Variants in PLXNA2 observed in about 807,000 individuals in gnomAD.
The protein encoded by PLXNA2 is plexin A2, also known as plexin-A2.
In PLXNA2, 91 loss-of-function variants were observed where a neutral mutation model predicts 193.5. The observed-to-expected ratio is 0.47, with a 90% CI of 0.40 to 0.56. PLXNA2 has a LOEUF of 0.56. Among genes scored for constraint, PLXNA2 ranks in the 20% least tolerant of loss-of-function variants. PLXNA2 has a pLI of 0.00. For synonymous variants in PLXNA2, 997 were observed against 1,027.3 expected, an observed-to-expected ratio of 0.97 and a Z score of 0.56; for missense variants, 1,995 against 2,503.2, an observed-to-expected ratio of 0.80 and a Z score of 4.33.
rs1354196914 is a variant in PLXNA2, at chr1:208,033,404, T to C, written c.4970A>G (p.Asn1657Ser). 1.2e-6 allele frequency: 2 copies of C among 1,614,056 alleles called. No homozygotes were observed. The highest frequency in any genetic ancestry group is 1.7e-6 in the Non-Finnish European group (2 of 1,180,016). The change falls in exon 28 of 32, where the codon AAC becomes AGC. Residue 1657 changes from asparagine to serine, a missense_variant. Coordinates refer to ENST00000367033, the MANE Select transcript of PLXNA2 (RefSeq NM_025179.4). ...CTCCTTCTGGTCACCGTGGTCATGG[T>C]TCTTCACCAGATGCCACACCTTGAC... ...SGVKVWHLVKNHDHGDQKEGD... is the reference protein window; with the variant it reads ...SGVKVWHLVKSHDHGDQKEGD...
At position 208,082,064 on chromosome 1, in the gene PLXNA2, G is replaced by C. The variant is rs1044534275; in HGVS notation, c.2395+348C>G. 6.6e-6 allele frequency among the ~76,000 whole-genome samples: 1 copy of C among 152,218 alleles called. No individual in the cohort carries two copies. The highest frequency in any genetic ancestry group is 2.4e-5 in the African/African-American group (1 of 41,456). On this transcript the variant is annotated intron_variant, in intron 11 of 31. Coordinates refer to ENST00000367033, the MANE Select transcript of PLXNA2 (RefSeq NM_025179.4). The surrounding 1 kb of genome is among the most constrained non-coding windows in gnomAD (Gnocchi z 4.2). ...ACCAGGGCCAAGGACAGGGGAACAA[G>C]AGCCTGACTGGAAACAATATCTCCA...
chr1:208,059,307 G>A (rs1665540628), intron 13 of PLXNA2, among the ~76,000 whole-genome samples: 1 of 152,126 alleles, frequency 6.6e-6, no homozygotes, highest in Admixed American at 6.5e-5. Context: ...TGTCCTATAG[G>A]CCCAGCCAGC....
chr1:208,211,337 C>G (rs115195287), intron 2 of PLXNA2, among the ~76,000 whole-genome samples: 182 of 152,194 alleles, frequency 1.2e-3, no homozygotes, highest in African/African-American at 4.1e-3. Flanking sequence ...TGGTGTGGCT[C>G]CATAATGTAT....
chr1:208,060,278 C>CTTAA (rs1665572454), intron 13 of PLXNA2, among the ~76,000 whole-genome samples: 1 of 152,226 alleles, frequency 6.6e-6, no homozygotes, highest in Non-Finnish European at 1.5e-5. Context: ...CCAGCGGAGG[C>CTTAA]CCTGCTCGGA....
intron 24 of PLXNA2, 138 bp from the exon 25 acceptor site, chr1:208,039,122 A>C (rs1267745205): frequency 1.4e-6 from 1 of 708,142 alleles, no homozygotes; most frequent in Non-Finnish European, 2.3e-6. Flanking sequence ...CTGGTCTGTG[A>C]CTCAGTTTCC....
At chr1:208,060,957 G>A (rs1665601515) in intron 12 of PLXNA2, 120 bp from the exon 13 acceptor site, 1 of 812,380 alleles carries the variant, frequency 1.2e-6, no homozygotes, top group Non-Finnish European at 1.9e-6. Flanking sequence ...TCCTCCACCA[G>A]GAATTCTGGT....
intron 3 of PLXNA2, among the ~76,000 whole-genome samples, chr1:208,157,914 G>C (rs562722554): frequency 2.0e-5 from 3 of 152,368 alleles, no homozygotes; most frequent in African/African-American, 7.2e-5. Flanking sequence ...CCCATCTTCA[G>C]GCCACAGAGG....
chr1:208,063,452 G>T (rs1385895325), intron 12 of PLXNA2, among the ~76,000 whole-genome samples: 2 of 152,186 alleles, frequency 1.3e-5, no homozygotes, highest in Non-Finnish European at 2.9e-5. Flanking sequence ...TAGAGAAGAA[G>T]ACTTTTTTTG....
At chr1:208,058,098 G>A (rs948649978) in intron 13 of PLXNA2, among the ~76,000 whole-genome samples, 2 of 152,190 alleles carry the variant, frequency 1.3e-5, no homozygotes, top group Non-Finnish European at 2.9e-5. Context: ...CATAGATGGT[G>A]CCTCGCTCCC....
At chr1:208,194,385 G>C (rs548217229) in intron 3 of PLXNA2, among the ~76,000 whole-genome samples, 2 of 149,792 alleles carry the variant, frequency 1.3e-5, no homozygotes, top group East Asian at 4.0e-4. Flanking sequence ...TGCTTAGGCT[G>C]CTGGTGCCTG....
intron 3 of PLXNA2, among the ~76,000 whole-genome samples, chr1:208,194,039 C>G (rs187424247): frequency 6.6e-6 from 1 of 151,820 alleles, no homozygotes; most frequent in Non-Finnish European, 1.5e-5. Context: ...TAGCTTAGGG[C>G]GCATAGCTCT....
intron 4 of PLXNA2, among the ~76,000 whole-genome samples, chr1:208,103,527 C>T (rs180998087): frequency 1.1e-3 from 161 of 152,290 alleles, no homozygotes; most frequent in Admixed American, 3.2e-3. Flanking sequence ...AGCATCCTCC[C>T]GAGAGCTGGG....
intron 3 of PLXNA2, among the ~76,000 whole-genome samples, chr1:208,172,026 T>TAAAA (rs112716826): frequency 7.4e-6 from 1 of 135,196 alleles, no homozygotes; most frequent in Non-Finnish European, 1.6e-5. Flanking sequence ...GGTTTTGCCA[T>TAAAA]AAAAAAAAAA....
chr1:208,049,674 A>C (rs537221480), intron 17 of PLXNA2, among the ~76,000 whole-genome samples: 9 of 152,212 alleles, frequency 5.9e-5, no homozygotes, highest in Non-Finnish European at 1.3e-4. Flanking sequence ...GATTGGGGGC[A>C]AGTCATTTAA....
chr1:208,092,375 G>T (rs535356461), intron 9 of PLXNA2, among the ~76,000 whole-genome samples: 1 of 152,338 alleles, frequency 6.6e-6, no homozygotes, highest in East Asian at 1.9e-4. Context: ...AAGTTGGCAT[G>T]AAAGAATGGT....
rs1666721260 is a variant in PLXNA2 at position 208,091,827 on chromosome 1, G to A, written c.2097+959C>T. On this transcript the variant is annotated intron_variant, in intron 9 of 31. Coordinates refer to ENST00000367033, the MANE Select transcript of PLXNA2 (RefSeq NM_025179.4). ...AGAGGTTGCAGTGAGCGGAGATCACGCCATTGCACTCCAGCCTGGCGATAG... is the reference window on the plus strand; with the variant it reads ...AGAGGTTGCAGTGAGCGGAGATCACACCATTGCACTCCAGCCTGGCGATAG... 2.1e-5 allele frequency among the ~76,000 whole-genome samples: 3 copies of A among 144,520 alleles called. 1 individual carries two copies. The highest frequency in any genetic ancestry group is 4.4e-4 in the South Asian group (2 of 4,554). 94.8% of individuals were successfully genotyped at this position (144,520 alleles called of 152,430 possible).
At chr1:208,127,940 TCATGAAGACAGGC>T (rs1470062573) in intron 4 of PLXNA2, among the ~76,000 whole-genome samples, 1 of 152,088 alleles carries the variant, frequency 6.6e-6, no homozygotes, top group African/African-American at 2.4e-5. Context: ...AGGAATCTGA[TCATGAAGACAGGC>T]AGGCTCCGAG....
chr1:208,157,051 A>G (rs1215117666), intron 3 of PLXNA2, among the ~76,000 whole-genome samples: 1 of 152,244 alleles, frequency 6.6e-6, no homozygotes, highest in Non-Finnish European at 1.5e-5. Context: ...TTGGATGTCA[A>G]ACTCTTGTCC....
rs765627280 is a variant in PLXNA2, at chr1:208,031,772, T to G, written c.5056-13A>C. 13 of 1,555,800 alleles carry G rather than the reference T, an allele frequency of 8.4e-6. No homozygotes were observed. Among genetic ancestry groups the G allele is most frequent in the Admixed American group, 5.4e-5 (3 of 56,064 alleles). ...TCTGCAGGGTGCCCTGGAGGAGGGGTGGGGGAGAGTAAGATGGAGGGGGGT... is the reference window on the plus strand; with the variant it reads ...TCTGCAGGGTGCCCTGGAGGAGGGGGGGGGGAGAGTAAGATGGAGGGGGGT... On this transcript the variant is annotated splice_polypyrimidine_tract_variant and intron_variant, in intron 28 of 31. Transcript: ENST00000367033.
Sources: gnomAD v4.1 joint callset for allele counts (sites outside exome capture counted in the v4.1 genomes callset) on GRCh38, gnomAD v4.1.1 for gene constraint, Gnocchi (gnomAD v3.1) non-coding constraint, MANE v1.5 for transcripts, NCBI Gene and HGNC (gene_info 2026-07-23, HGNC 2026-07-21) for gene names.